Variants in ADAM12 observed in about 807,000 individuals in gnomAD.
ADAM12 encodes disintegrin and metalloproteinase domain-containing protein 12.
ADAM12 carries 70 observed loss-of-function variants against 106.4 expected under a neutral mutation model. The observed-to-expected ratio is 0.66, with a 90% CI of 0.54 to 0.80. The LOEUF is 0.80. ADAM12 is among the 30% of genes least tolerant of loss of function. The pLI is 0.00. For missense variants in ADAM12, 1,010 were observed against 1,171.9 expected, an observed-to-expected ratio of 0.86 and a Z score of 2.02; for synonymous variants, 420 against 433.5, an observed-to-expected ratio of 0.97 and a Z score of 0.39.
intron 11 of ADAM12, among the ~76,000 whole-genome samples, chr10:126,077,965 T>C (rs567702435): frequency 3.9e-5 from 6 of 152,264 alleles, no homozygotes; most frequent in Non-Finnish European, 8.8e-5. Context: ...ATACAAAAAA[T>C]TTAATAAATG....
intron 3 of ADAM12, among the ~76,000 whole-genome samples, chr10:126,198,385 C>T (rs941470693): frequency 6.6e-6 from 1 of 152,194 alleles, no homozygotes; most frequent in Non-Finnish European, 1.5e-5. Context: ...CCAGAAGGGC[C>T]CGGCAAGTCT....
At chr10:126,125,296 G>A (rs1405247726) in intron 5 of ADAM12, among the ~76,000 whole-genome samples, 1 of 140,030 alleles carries the variant, frequency 7.1e-6, no homozygotes, top group Non-Finnish European at 1.5e-5. Context: ...CCAGGCTACA[G>A]TACAGTGGCG....
intron 2 of ADAM12, 40 bp downstream of exon 2, chr10:126,330,372 C>T: frequency 6.5e-7 from 1 of 1,542,066 alleles, no homozygotes; most frequent in African/African-American, 1.4e-5. Context: ...GATTTAAAAG[C>T]TTCGGCAGTC....
chr10:126,196,117 T>C (rs965082758), intron 3 of ADAM12, among the ~76,000 whole-genome samples: 1 of 152,262 alleles, frequency 6.6e-6, no homozygotes, highest in Admixed American at 6.5e-5. Context: ...AAGTCTGAGA[T>C]GTTTAATAAC....
intron 3 of ADAM12, among the ~76,000 whole-genome samples, chr10:126,162,672 G>A (rs1302572309): frequency 1.3e-5 from 2 of 152,134 alleles, no homozygotes; most frequent in African/African-American, 4.8e-5. Flanking sequence ...GCTGGTGTGA[G>A]CGTCCATACA....
intron 5 of ADAM12, 138 bp from the exon 6 acceptor site, chr10:126,118,362 G>T (rs1956026358): frequency 1.5e-6 from 1 of 661,900 alleles, no homozygotes; most frequent in South Asian, 2.4e-5. Flanking sequence ...TGATTGGAAA[G>T]GACGTTTCTG....
chr10:126,043,500 AG>A lies in ADAM12; in HGVS notation c.1996-353del, dbSNP rs1430552877. Among the ~76,000 whole-genome samples, 1 of 152,124 alleles carries A rather than the reference AG, an allele frequency of 6.6e-6. No homozygotes were observed. The highest frequency in any genetic ancestry group is 1.5e-5 in the Non-Finnish European group (1 of 68,016). ...GACCATGAGGAGAAGCCCCCTCAGC[AG>A]TGAGGAGGGACCGTGCTTTGGGGCT... On this transcript the variant is annotated intron_variant, in intron 17 of 22. Transcript: ENST00000448723. This position sits in a 1 kb window ranked among gnomAD's most constrained non-coding sequence, Gnocchi z 4.1.
intron 8 of ADAM12, among the ~76,000 whole-genome samples, chr10:126,103,922 C>T (rs569287772): frequency 6.6e-6 from 1 of 152,192 alleles, no homozygotes; most frequent in Non-Finnish European, 1.5e-5. Context: ...TCAGAGGTCA[C>T]CAGGGGCTTA....
intron 11 of ADAM12, among the ~76,000 whole-genome samples, chr10:126,082,842 G>C (rs1340867974): frequency 3.3e-5 from 5 of 152,136 alleles, no homozygotes; most frequent in Non-Finnish European, 7.3e-5. Context: ...ACAGTATGAG[G>C]GGGCAGGGGA....
intron 20 of ADAM12, among the ~76,000 whole-genome samples, chr10:126,037,963 G>C (rs1954088296): frequency 6.6e-6 from 1 of 152,168 alleles, no homozygotes; most frequent in African/African-American, 2.4e-5. Flanking sequence ...TGGCTGGTCT[G>C]GGTGACTGAA....
chr10:126,368,956 T>G (rs1376557123), intron 1 of ADAM12, among the ~76,000 whole-genome samples: 2 of 152,190 alleles, frequency 1.3e-5, no homozygotes, highest in Admixed American at 1.3e-4. Context: ...AGAGACCTCT[T>G]GCGATTTTTA....
chr10:126,118,073 C>A lies in ADAM12; in HGVS notation c.568G>T (p.Val190Leu). 6.2e-7 allele frequency: 1 copy of A among 1,614,132 alleles called. No individual in the cohort carries two copies. Among genetic ancestry groups the A allele is most frequent in the Non-Finnish European group, 8.5e-7 (1 of 1,179,984 alleles). Residue 190 changes from valine (V) to leucine (L), a missense_variant, in exon 6 of 23, where the codon GTG becomes TTG. Physicochemically the swap from Val to Leu is conservative, Grantham distance 32. Transcript: ENST00000448723. The stretch of plus-strand genomic sequence containing the variant: ...CATGTCTGAGAGGGTGGTGGAAACA[C>A]ATTCTTTGCAGCGAGGTTTGGTGTG... The part of the protein sequence containing the change: ...HNTPNLAAKN[V>L]FPPPSQTWAR...
chr10:126,186,425 C>T (rs1283288921), intron 3 of ADAM12, among the ~76,000 whole-genome samples: 1 of 152,144 alleles, frequency 6.6e-6, no homozygotes, highest in African/African-American at 2.4e-5. Flanking sequence ...AGAGCTTTGG[C>T]CTCCCTTGGA....
chr10:126,174,851 C>A (rs970742577), intron 3 of ADAM12, among the ~76,000 whole-genome samples: 1 of 151,530 alleles, frequency 6.6e-6, no homozygotes, highest in Non-Finnish European at 1.5e-5. Flanking sequence ...CTTCCGGGTT[C>A]ACGCCATTCT....
At chr10:126,251,464 G>A (rs1048831157) in intron 3 of ADAM12, among the ~76,000 whole-genome samples, 2 of 24,446 alleles carry the variant, frequency 8.2e-5, no homozygotes, top group African/African-American at 3.8e-4. Context: ...ATGGATGGAT[G>A]GGATGGATGG....
At chr10:126,197,171 G>A (rs1373345814) in intron 3 of ADAM12, among the ~76,000 whole-genome samples, 1 of 152,216 alleles carries the variant, frequency 6.6e-6, no homozygotes, top group East Asian at 1.9e-4. Flanking sequence ...GGAGCTATTT[G>A]TAAAGACAGA....
chr10:126,184,829 G>A (rs1382858856), intron 3 of ADAM12, among the ~76,000 whole-genome samples: 2 of 152,142 alleles, frequency 1.3e-5, no homozygotes, highest in Non-Finnish European at 2.9e-5. Context: ...CTCTGCAAGT[G>A]TACAACAAGG....
intron 1 of ADAM12, among the ~76,000 whole-genome samples, chr10:126,335,396 G>A (rs12254576): frequency 0.04 from 6,028 of 152,286 alleles, 407 homozygotes; most frequent in African/African-American, 0.14. Flanking sequence ...AAAAATCTAA[G>A]TGAAAGCAAA....
At chr10:126,330,320 A>C in intron 2 of ADAM12, 92 bp downstream of exon 2, 9 of 1,087,992 alleles carry the variant, frequency 8.3e-6, no homozygotes, top group South Asian at 1.5e-5. Context: ...TAAAGTGAGT[A>C]GAGACAACCC....
Sources: gnomAD v4.1 joint callset for allele counts (sites outside exome capture counted in the v4.1 genomes callset) on GRCh38, gnomAD v4.1.1 for gene constraint, Gnocchi (gnomAD v3.1) non-coding constraint, MANE v1.5 for transcripts, NCBI Gene and HGNC (gene_info 2026-07-23, HGNC 2026-07-21) for gene names.